The following DMD variants were observed in gnomAD, a reference collection of about 807,000 sequenced individuals.
The protein encoded by DMD is mutant dystrophin.
Under a neutral mutation model 330.1 loss-of-function variants are expected in DMD, and 63 were observed. The ratio of observed to expected loss-of-function variants is 0.19; its 90% CI spans 0.16 to 0.24. The LOEUF (loss-of-function observed/expected upper bound fraction) is 0.24, where lower values mean the gene tolerates loss of function less well. Ranked by LOEUF, DMD falls within the 10% of genes least tolerant of loss-of-function variation. DMD has a pLI of 1.00. For missense variants in DMD, 3,344 were observed against 2,684.1 expected, an observed-to-expected ratio of 1.25 and a Z score of -5.43; for synonymous variants, 1,223 against 959.8, an observed-to-expected ratio of 1.27 and a Z score of -5.07.
intron 52 of DMD, among the ~76,000 whole-genome samples, chrX:31,681,838 G>A (rs2082397508): frequency 1.8e-5 from 2 of 113,030 alleles, no homozygotes; most frequent in African/African-American, 6.4e-5. Context: ...GCTCACGCCT[G>A]TAATCCCAGG....
intron 51 of DMD, among the ~76,000 whole-genome samples, chrX:31,759,533 A>G (rs961505092): frequency 9.8e-5 from 11 of 111,755 alleles, no homozygotes; most frequent in African/African-American, 3.2e-4. Context: ...ACGTAACACT[A>G]TCAACGAATA....
intron 3 of DMD, among the ~76,000 whole-genome samples, chrX:32,846,456 T>G (rs900555233): frequency 9.0e-6 from 1 of 111,118 alleles, no homozygotes; most frequent in African/African-American, 3.3e-5. Context: ...ACCCTAGAAC[T>G]CCTTATCATT....
intron 13 of DMD, among the ~76,000 whole-genome samples, chrX:32,579,162 T>A (rs1385344457): frequency 8.9e-6 from 1 of 111,971 alleles, no homozygotes; most frequent in African/African-American, 3.2e-5. Flanking sequence ...CAAACTGAAC[T>A]GAAGCACCAT....
intron 7 of DMD, among the ~76,000 whole-genome samples, chrX:32,798,564 T>C (rs1229256862): frequency 1.8e-5 from 2 of 112,398 alleles, no homozygotes; most frequent in Non-Finnish European, 3.8e-5. Context: ...TATATTACTT[T>C]GTCATCAAAA....
chrX:31,431,368 G>A (rs183643106), intron 60 of DMD, among the ~76,000 whole-genome samples: 1 of 111,408 alleles, frequency 9.0e-6, no homozygotes, highest in African/African-American at 3.3e-5. Flanking sequence ...CCAGCTGTTG[G>A]TAGAAATTAT....
At chrX:31,703,027 T>C (rs763819561) in intron 52 of DMD, among the ~76,000 whole-genome samples, 5 of 110,015 alleles carry the variant, frequency 4.5e-5, no homozygotes, top group Non-Finnish European at 1.9e-5. Flanking sequence ...GCTATTTTTT[T>C]GTATTTTTAG....
At chrX:32,838,010 G>C (rs1182621651) in intron 4 of DMD, among the ~76,000 whole-genome samples, 1 of 111,995 alleles carries the variant, frequency 8.9e-6, no homozygotes, top group East Asian at 2.8e-4. Flanking sequence ...TTGAGATACA[G>C]AAAATCACTA....
At chrX:32,782,062 G>T (rs1296024128) in intron 7 of DMD, among the ~76,000 whole-genome samples, 1 of 111,524 alleles carries the variant, frequency 9.0e-6, no homozygotes, top group Admixed American at 9.6e-5. Flanking sequence ...TAGTAACATG[G>T]TAATTTTTTA....
At chrX:31,413,920 G>A (rs1393254165) in intron 60 of DMD, among the ~76,000 whole-genome samples, 1 of 109,694 alleles carries the variant, frequency 9.1e-6, no homozygotes, top group Non-Finnish European at 1.9e-5. Context: ...CATGACTCTA[G>A]TGAATATTAA....
intron 30 of DMD, among the ~76,000 whole-genome samples, chrX:32,402,875 C>T (rs1019290403): frequency 1.6e-4 from 18 of 111,480 alleles, no homozygotes; most frequent in African/African-American, 4.2e-4. Context: ...TAAATTTTAT[C>T]TTTCTTTGGT....
chrX:31,501,319 C>T (rs751519097), intron 56 of DMD, among the ~76,000 whole-genome samples: 4 of 112,022 alleles, frequency 3.6e-5, no homozygotes, highest in Admixed American at 9.5e-5. Flanking sequence ...CTCTGCAAAA[C>T]GGAATTTGTC....
intron 76 of DMD, among the ~76,000 whole-genome samples, chrX:31,141,234 CAAA>C (rs1448777623): frequency 9.0e-6 from 1 of 111,683 alleles, no homozygotes; most frequent in Non-Finnish European, 1.9e-5. Flanking sequence ...ACAACAACAA[CAAA>C]ACCAGAATGA....
At chrX:32,480,647 C>T (rs1299857666) in intron 21 of DMD, among the ~76,000 whole-genome samples, 1 of 106,360 alleles carries the variant, frequency 9.4e-6, no homozygotes, top group East Asian at 2.9e-4. Context: ...CGTATATGCA[C>T]ACACAACTTG....
In DMD at chrX:31,819,521, A is replaced by G. The variant is rs769553212; in HGVS notation, c.7309+454T>C. Among the ~76,000 whole-genome samples the G allele has an allele frequency of 5.3e-5, 6 of 112,811 alleles. No homozygotes were observed. The South Asian group carries it at 1.1e-3, about 20-fold the overall frequency. On this transcript the variant is annotated intron_variant, in intron 50 of 78. Coordinates refer to ENST00000357033, the MANE Select transcript of DMD (RefSeq NM_004006.3). ...TACTAAGAATTGCCTTCGGCCTCAG[A>G]AAACTTGTCCAAGTTGTCCTTCCAC...
At chrX:33,007,323 C>A (rs1414246618) in intron 2 of DMD, among the ~76,000 whole-genome samples, 1 of 110,873 alleles carries the variant, frequency 9.0e-6, no homozygotes, top group Non-Finnish European at 1.9e-5. Flanking sequence ...AACACGCACT[C>A]CCTCCTCAGA....
chrX:31,625,550 G>T (rs2078790854), intron 55 of DMD, among the ~76,000 whole-genome samples: 1 of 112,100 alleles, frequency 8.9e-6, no homozygotes, highest in Admixed American at 9.5e-5. Flanking sequence ...ATTTTCTTGA[G>T]TAACATGGGA....
At chrX:31,663,985 T>A (rs2081276571) in intron 53 of DMD, among the ~76,000 whole-genome samples, 1 of 111,745 alleles carries the variant, frequency 8.9e-6, no homozygotes, top group African/African-American at 3.3e-5. Flanking sequence ...CTGGCCCCAA[T>A]TCTTTACCTC....
chrX:31,823,674 A>G (rs2092825031), intron 49 of DMD, among the ~76,000 whole-genome samples: 2 of 110,002 alleles, frequency 1.8e-5, no homozygotes. Flanking sequence ...TCGACTTCCT[A>G]GGCAATCCTC....
At chrX:32,096,045 A>G (rs772902648) in intron 44 of DMD, among the ~76,000 whole-genome samples, 35 of 112,066 alleles carry the variant, frequency 3.1e-4, no homozygotes, top group African/African-American at 1.1e-3. Flanking sequence ...TTTAAGAGTC[A>G]GGCATGATAT....
Sources: allele counts gnomAD v4.1 joint callset (sites outside exome capture counted in the v4.1 genomes callset), GRCh38; gene constraint gnomAD v4.1.1; transcripts MANE v1.5; gene names NCBI Gene and HGNC (gene_info 2026-07-23, HGNC 2026-07-21).